Variants in SYNE3 observed in about 807,000 individuals in gnomAD.
SYNE3 encodes the protein nesprin-3.
In SYNE3, 100 loss-of-function variants were observed where a neutral mutation model predicts 111.2. The observed-to-expected ratio is 0.90, with a 90% CI of 0.77 to 1.06. The LOEUF (loss-of-function observed/expected upper bound fraction) is 1.06. Ranked by LOEUF, SYNE3 falls within the 50% of genes least tolerant of loss-of-function variation. The pLI is 0.00. For synonymous variants in SYNE3, 547 were observed against 533.9 expected (o/e 1.02, Z -0.34); for missense variants, 1,160 against 1,240.3 (o/e 0.94, Z 0.97).
chr14:95,452,688 G>A (rs1335924370), intron 6 of SYNE3, among the ~76,000 whole-genome samples: 2 of 152,162 alleles, frequency 1.3e-5, no homozygotes, highest in African/African-American at 2.4e-5. Flanking sequence ...ATACTCAGGG[G>A]ACACCAATGC....
At position 95,507,550 on chromosome 14, in the gene SYNE3, C is replaced by G. The variant is rs565059768; in HGVS notation, c.-15+9046G>C. ...GCGGCCAGGAGAGCCTGGCCTGGAT[C>G]CCCCTCCCTGGGCATTTGGGTGTTT... On this transcript the variant is annotated intron_variant, in intron 1 of 17. Coordinates refer to ENST00000682763, the MANE Select transcript of SYNE3 (RefSeq NM_152592.6). Among the ~76,000 whole-genome samples the G allele has an allele frequency of 5.9e-5, 9 of 152,318 alleles. 2 individuals are homozygous for G. Among genetic ancestry groups the G allele is most frequent in the African/African-American group, 2.2e-4 (9 of 41,562 alleles).
rs575746982 is a variant in SYNE3 at position 95,422,416 on chromosome 14, C to T, written c.2728-4390G>A. 2.0e-3 allele frequency among the ~76,000 whole-genome samples: 310 copies of T among 152,296 alleles called. 2 individuals carry two copies. Among genetic ancestry groups the T allele is most frequent in the Non-Finnish European group, 3.2e-3 (218 of 68,024 alleles). ...TGGGAGAGTACCCAGTCCAAGGTCA[C>T]ACAGATAGGCTCAGCTCTCCAGTGT... On this transcript the variant is annotated intron_variant, in intron 17 of 17. Coordinates refer to ENST00000682763, the MANE Select transcript of SYNE3 (RefSeq NM_152592.6).
At position 95,500,932 on chromosome 14, in the gene SYNE3, G is replaced by A. The variant is rs1232292552; in HGVS notation, c.-15+15664C>T. 9.9e-5 allele frequency among the ~76,000 whole-genome samples: 15 copies of A among 152,208 alleles called. No homozygotes were observed. The highest frequency in any genetic ancestry group is 7.8e-4 in the Admixed American group (12 of 15,288). On this transcript the variant is annotated intron_variant, in intron 1 of 17. Transcript: ENST00000682763. The surrounding 1 kb of genome is among the most constrained non-coding windows in gnomAD (Gnocchi z 4.7). Reference sequence around the variant, plus strand: ...CTTCCCACACCAGGCACAAAATCCCGTCTGACTTTCTAAAATATTTTCTCT... The same window carrying A: ...CTTCCCACACCAGGCACAAAATCCCATCTGACTTTCTAAAATATTTTCTCT...
Position 95,457,193 on chromosome 14 carries a change from C to CGCT in SYNE3, c.770_772dup (p.Gln257dup), listed in dbSNP as rs1566666520. 6.2e-7 allele frequency: 1 copy of CGCT among 1,613,684 alleles called. No homozygotes were observed. The highest frequency in any genetic ancestry group is 8.5e-7 in the Non-Finnish European group (1 of 1,179,784). ...GGGGATTACCTGCAGTGTGGAGAGG[C>CGCT]GCTGCGTGATGGGCAGCTTGCAGTT... On this transcript the variant is annotated inframe_insertion, in exon 5 of 18. Transcript: ENST00000682763.
At chr14:95,480,879 G>A (rs1041543299) in intron 1 of SYNE3, among the ~76,000 whole-genome samples, 1 of 152,192 alleles carries the variant, frequency 6.6e-6, no homozygotes, top group Non-Finnish European at 1.5e-5. Context: ...CTGGCATCCC[G>A]GTCTGAAAGG....
chr14:95,488,662 A>G (rs1889673977), intron 1 of SYNE3, among the ~76,000 whole-genome samples: 1 of 116,252 alleles, frequency 8.6e-6, no homozygotes. Flanking sequence ...ATCCTGTTTC[A>G]TAAAAGAGGG....
intron 1 of SYNE3, among the ~76,000 whole-genome samples, chr14:95,479,224 CAAAAA>C (rs71132351): frequency 0.2 from 16,917 of 85,646 alleles, 1,207 homozygotes; most frequent in African/African-American, 0.22. Flanking sequence ...TCGTCTCTAC[CAAAAA>C]AAAAAAAAAA....
rs575477265 is a variant in SYNE3 at position 95,433,457 on chromosome 14, A to G, written c.2539-48T>C. 5 of 1,606,398 alleles carry G rather than the reference A, an allele frequency of 3.1e-6. No homozygotes were observed. In the African/African-American group the frequency reaches 6.7e-5, roughly 21 times the overall value. On this transcript the variant is annotated intron_variant, in intron 15 of 17. Coordinates refer to ENST00000682763, the MANE Select transcript of SYNE3 (RefSeq NM_152592.6). ...GGTGCGGCTTCCAAATGGCCCAGAC[A>G]GCCCCACCTGAATGGTAAGGATGGG...
At chr14:95,463,387 C>A (rs927002087) in intron 4 of SYNE3, among the ~76,000 whole-genome samples, 3 of 152,198 alleles carry the variant, frequency 2.0e-5, no homozygotes, top group Admixed American at 2.0e-4. Flanking sequence ...TCACTCAGCA[C>A]CCCAGCATCC....
intron 1 of SYNE3, among the ~76,000 whole-genome samples, chr14:95,498,139 T>A (rs1456582841): frequency 1.3e-5 from 2 of 152,138 alleles, no homozygotes; most frequent in Non-Finnish European, 2.9e-5. Flanking sequence ...TTAAAAAAAT[T>A]AGAGGCTTTT....
At chr14:95,495,005 A>T (rs1376890147) in intron 1 of SYNE3, among the ~76,000 whole-genome samples, 1 of 152,042 alleles carries the variant, frequency 6.6e-6, no homozygotes, top group African/African-American at 2.4e-5. Flanking sequence ...CCAGCTATTC[A>T]GGAAGCTGAG....
chr14:95,482,776 G>T (rs962399114), intron 1 of SYNE3, among the ~76,000 whole-genome samples: 1 of 152,100 alleles, frequency 6.6e-6, no homozygotes, highest in Non-Finnish European at 1.5e-5. Flanking sequence ...TATGACAAAA[G>T]GTTTGTAGGT....
In SYNE3 at chr14:95,437,763, G is replaced by A. The variant is rs1428172860; in HGVS notation, c.2377-782C>T. ...TTCAACAAAGCTCAGTTTGTTTAAA[G>A]GCAGTAAGGGAAAGTGATGGGTAAA... On this transcript the variant is annotated intron_variant, in intron 14 of 17. Transcript: ENST00000682763. The A allele has an allele frequency of 2.0e-5, 3 of 152,274 alleles. No individual in the cohort carries two copies. The East Asian group carries it at 5.8e-4, about 29-fold the overall frequency. The allele number at this position is 152,274 out of a possible 1,614,324, so 9.4% of individuals were successfully genotyped here. A position where few individuals can be genotyped will look rare whatever the true frequency, so the allele number is the denominator to read the frequency against.
rs147354890 is a variant in SYNE3 at position 95,455,478 on chromosome 14, C to A, written c.1036G>T (p.Glu346Ter). 1.6e-5 allele frequency: 26 copies of A among 1,613,456 alleles called. No individual in the cohort carries two copies. The Admixed American group carries it at 3.2e-4, about 20-fold the overall frequency. Residue 346 changes from glutamate to a stop codon, truncating the protein, a stop_gained, in exon 6 of 18, where the codon GAG becomes TAG. Transcript: ENST00000682763. LOFTEE classifies it high-confidence loss of function. The part of the protein sequence containing the change: ...QIKQLEAELS[E>*]FRMVLQRLAQ... ...AGCCTCTGCAGGACCATCCTGAACT[C>A]ACTGAGCTCAGCCTCCAGCTGCTTA...
chr14:95,492,128 G>A (rs764029306), intron 1 of SYNE3, among the ~76,000 whole-genome samples: 22 of 152,228 alleles, frequency 1.4e-4, no homozygotes, highest in Non-Finnish European at 3.1e-4. Flanking sequence ...ATAATAACCA[G>A]TGTTGGTGAA....
intron 1 of SYNE3, among the ~76,000 whole-genome samples, chr14:95,490,495 C>G (rs978857444): frequency 1.1e-4 from 16 of 152,212 alleles, no homozygotes; most frequent in Non-Finnish European, 2.2e-4. Flanking sequence ...AAACAAGGCA[C>G]AGAGATATTA....
At chr14:95,503,869 C>T (rs1890431738) in intron 1 of SYNE3, among the ~76,000 whole-genome samples, 1 of 152,146 alleles carries the variant, frequency 6.6e-6, no homozygotes, top group African/African-American at 2.4e-5. Context: ...ATCCTCCTGC[C>T]TCAGCCTTCC....
intron 1 of SYNE3, among the ~76,000 whole-genome samples, 161 bp downstream of exon 1, chr14:95,516,435 C>T (rs1010366521): frequency 2.0e-5 from 3 of 152,000 alleles, no homozygotes; most frequent in African/African-American, 4.8e-5. Context: ...GGGGCCCCCG[C>T]CCCCGCGCCG....
chr14:95,465,811 AAGAT>A (rs1203541301), intron 4 of SYNE3, 116 bp downstream of exon 4: 39 of 1,109,712 alleles, frequency 3.5e-5, no homozygotes, highest in Non-Finnish European at 4.5e-5. Flanking sequence ...TGATAGTAGA[AAGAT>A]AGATTGATAG....
Sources: allele counts gnomAD v4.1 joint callset (sites outside exome capture counted in the v4.1 genomes callset), GRCh38; gene constraint gnomAD v4.1.1; non-coding constraint Gnocchi (gnomAD v3.1); transcripts MANE v1.5; gene names NCBI Gene and HGNC (gene_info 2026-07-23, HGNC 2026-07-21).